EXOC4: variants seen among roughly 807,000 people sequenced by gnomAD.
EXOC4 encodes SEC8-like 1.
A neutral mutation model predicts 107.2 loss-of-function variants in EXOC4; 71 were observed. That is an observed-to-expected ratio of 0.66 (90% confidence interval 0.55 to 0.81). EXOC4 has a LOEUF of 0.81. Among genes scored for constraint, EXOC4 ranks in the 30% least tolerant of loss-of-function variants. The probability of loss-of-function intolerance (pLI) is 0.00; values close to 1 mark genes in which losing one functional copy is unlikely to be tolerated. For synonymous variants in EXOC4, 456 were observed against 441.2 expected (o/e 1.03, Z -0.42); for missense variants, 1,108 against 1,189.6 (o/e 0.93, Z 1.01).
chr7:133,503,672 C>T (rs1799616531), intron 9 of EXOC4, among the ~76,000 whole-genome samples: 1 of 152,164 alleles, frequency 6.6e-6, no homozygotes, highest in Admixed American at 6.5e-5. Flanking sequence ...TGCTTTTCGG[C>T]ATCCAATAAA....
At chr7:133,483,898 C>A (rs1427870944) in intron 9 of EXOC4, 1 of 822,354 alleles carries the variant, frequency 1.2e-6, no homozygotes, top group African/African-American at 1.7e-5. Context: ...TCAGCTTGTC[C>A]CTGAAAAGGC....
intron 16 of EXOC4, among the ~76,000 whole-genome samples, chr7:134,006,909 A>G (rs1215331410): frequency 1.3e-5 from 2 of 152,176 alleles, no homozygotes; most frequent in Admixed American, 1.3e-4. Context: ...TAGTTTGCTG[A>G]TGTCCTGAGC....
chr7:134,003,540 C>A (rs1356606706), intron 15 of EXOC4, among the ~76,000 whole-genome samples: 1 of 152,128 alleles, frequency 6.6e-6, no homozygotes, highest in African/African-American at 2.4e-5. Context: ...TGCAGCCATT[C>A]ATTTGGGAAT....
intron 9 of EXOC4, among the ~76,000 whole-genome samples, chr7:133,569,195 C>A (rs1297984129): frequency 6.6e-6 from 1 of 151,800 alleles, no homozygotes; most frequent in African/African-American, 2.4e-5. Context: ...CAAGAAAAGC[C>A]TCAGATAACT....
intron 10 of EXOC4, among the ~76,000 whole-genome samples, chr7:133,741,833 A>G (rs773269851): frequency 4.6e-5 from 7 of 152,158 alleles, no homozygotes; most frequent in Non-Finnish European, 7.3e-5. Flanking sequence ...AGATTGTAGT[A>G]TGACTTTGTT....
intron 10 of EXOC4, among the ~76,000 whole-genome samples, chr7:133,676,850 G>T (rs972531939): frequency 4.0e-5 from 6 of 151,366 alleles, no homozygotes; most frequent in African/African-American, 1.5e-4. Flanking sequence ...AGTTTCTTAT[G>T]TATATTATAG....
intron 10 of EXOC4, among the ~76,000 whole-genome samples, chr7:133,640,829 G>T (rs111803650): frequency 1.6e-3 from 240 of 151,232 alleles, no homozygotes; most frequent in African/African-American, 5.4e-3. Context: ...CCTTTTTAAG[G>T]AAAGATAATT....
At chr7:133,498,742 G>A (rs898319787) in intron 9 of EXOC4, among the ~76,000 whole-genome samples, 5 of 151,948 alleles carry the variant, frequency 3.3e-5, no homozygotes, top group East Asian at 1.9e-4. Context: ...TAATAATTTC[G>A]TATGTACTAG....
downstream of EXOC4, among the ~76,000 whole-genome samples, chr7:134,067,638 TAC>T (rs60853968): frequency 1.0e-3 from 135 of 132,148 alleles, no homozygotes; most frequent in Admixed American, 2.7e-3. Flanking sequence ...TATATATATA[TAC>T]ACACACACAC....
intron 10 of EXOC4, among the ~76,000 whole-genome samples, chr7:133,704,808 G>T (rs1454308170): frequency 2.0e-5 from 3 of 152,160 alleles, no homozygotes; most frequent in African/African-American, 4.8e-5. Context: ...GTCATGTGAG[G>T]TCATGTGTGG....
chr7:133,948,953 G>C (rs1181393848), intron 14 of EXOC4, among the ~76,000 whole-genome samples: 1 of 152,194 alleles, frequency 6.6e-6, no homozygotes, highest in Admixed American at 6.5e-5. Flanking sequence ...TCCCCACGGA[G>C]GCAATGCTGT....
chr7:133,933,178 A>T (rs536272108), intron 13 of EXOC4, among the ~76,000 whole-genome samples: 1 of 152,284 alleles, frequency 6.6e-6, no homozygotes, highest in East Asian at 1.9e-4. Flanking sequence ...CTTTTTAAAG[A>T]TTGTAATTGT....
chr7:133,336,052 C>T (rs906167665), intron 5 of EXOC4, among the ~76,000 whole-genome samples: 4 of 152,170 alleles, frequency 2.6e-5, no homozygotes, highest in Admixed American at 6.5e-5. Context: ...TTTTTGTTTC[C>T]GTTGAGTGGC....
intron 9 of EXOC4, among the ~76,000 whole-genome samples, chr7:133,625,746 A>G (rs1019520938): frequency 6.6e-6 from 1 of 152,132 alleles, no homozygotes; most frequent in Admixed American, 6.6e-5. Context: ...TCCTTGTAAT[A>G]CTATTGTCAG....
At chr7:133,983,051 G>A (rs901305723) in intron 14 of EXOC4, among the ~76,000 whole-genome samples, 1 of 151,792 alleles carries the variant, frequency 6.6e-6, no homozygotes, top group Non-Finnish European at 1.5e-5. Context: ...GACAGTGCTA[G>A]CATCTGCTTC....
chr7:133,380,508 C>G (rs1274842211), intron 7 of EXOC4, among the ~76,000 whole-genome samples: 2 of 151,988 alleles, frequency 1.3e-5, no homozygotes, highest in African/African-American at 4.8e-5. Flanking sequence ...TTAGCAGTCA[C>G]TCCTCATATC....
rs1248525024 is a variant in EXOC4 at position 134,065,102 on chromosome 7, AG to A, written c.*577del. On this transcript the variant is annotated 3_prime_UTR_variant, in exon 18 of 18. Transcript: ENST00000253861. The stretch of plus-strand genomic sequence containing the variant: ...CTAACCAAAACAGAACCTCTAATTT[AG>A]GGCTAGGAATAGAAGTCTTTTGATC... The A allele has an allele frequency of 1.3e-5, 2 of 152,624 alleles. No homozygotes were observed. Among genetic ancestry groups the A allele is most frequent in the African/African-American group, 4.8e-5 (2 of 41,464 alleles). 9.5% of individuals were successfully genotyped at this position (152,624 alleles called of 1,614,324 possible). A position where few individuals can be genotyped will look rare whatever the true frequency, so the allele number is the denominator to read the frequency against.
At chr7:133,571,556 G>C (rs1355538534) in intron 9 of EXOC4, among the ~76,000 whole-genome samples, 1 of 151,974 alleles carries the variant, frequency 6.6e-6, no homozygotes, top group East Asian at 1.9e-4. Flanking sequence ...TGTAGTCCTA[G>C]GTACTTGGGA....
intron 14 of EXOC4, among the ~76,000 whole-genome samples, chr7:133,942,598 G>A (rs182647093): frequency 1.3e-5 from 2 of 152,200 alleles, no homozygotes; most frequent in Non-Finnish European, 2.9e-5. Context: ...TCTCAGGGTG[G>A]TTATATCACC....
Sources: allele counts gnomAD v4.1 joint callset (sites outside exome capture counted in the v4.1 genomes callset), GRCh38; gene constraint gnomAD v4.1.1; transcripts MANE v1.5; gene names NCBI Gene and HGNC (gene_info 2026-07-23, HGNC 2026-07-21).